The following TSPAN5 variants were observed in gnomAD, a reference collection of about 807,000 sequenced individuals.
TSPAN5 encodes tetraspanin 5.
TSPAN5 carries 10 observed loss-of-function variants against 37.1 expected under a neutral mutation model. The ratio of observed to expected loss-of-function variants is 0.27; its 90% CI spans 0.17 to 0.46. The LOEUF (loss-of-function observed/expected upper bound fraction) is 0.46. Among genes scored for constraint, TSPAN5 ranks in the 20% least tolerant of loss-of-function variants. TSPAN5 has a pLI of 1.00. For missense variants in TSPAN5, 195 were observed against 326.6 expected (o/e 0.60, Z 3.11); for synonymous variants, 110 against 118.9 (o/e 0.93, Z 0.48).
rs113202170 is a variant in TSPAN5, at chr4:98,479,358, G to T, written c.451-548C>A. On this transcript the variant is annotated intron_variant, in intron 4 of 7. Transcript: ENST00000305798. ...AAAGATGAAATGCTCCTGATTACTG[G>T]AAATACAAAATTGCATGCAGGATTG... is the stretch of plus-strand genomic sequence containing the variant. Among the ~76,000 whole-genome samples, 460 of 152,266 alleles carry T rather than the reference G, an allele frequency of 3.0e-3. 2 individuals are homozygous for T. Among genetic ancestry groups the T allele is most frequent in the African/African-American group, 0.011 (439 of 41,558 alleles).
intron 1 of TSPAN5, among the ~76,000 whole-genome samples, chr4:98,543,688 G>A (rs568088640): frequency 6.6e-6 from 1 of 152,018 alleles, no homozygotes; most frequent in East Asian, 1.9e-4. Flanking sequence ...CCAAAGTGCT[G>A]GGATTACAGG....
chr4:98,485,584 A>T (rs1391418924), intron 3 of TSPAN5: 1 of 152,000 alleles, frequency 6.6e-6, no homozygotes, highest in Non-Finnish European at 1.5e-5. Flanking sequence ...TTCAGGTTAA[A>T]TAGCCTCCAA....
intron 1 of TSPAN5, among the ~76,000 whole-genome samples, chr4:98,601,406 A>G (rs1251352725): frequency 6.6e-6 from 1 of 152,244 alleles, no homozygotes; most frequent in Non-Finnish European, 1.5e-5. Context: ...TATCTTAGCT[A>G]GATCTTCTGG....
chr4:98,496,242 T>C (rs1473596211), intron 2 of TSPAN5: 1 of 152,178 alleles, frequency 6.6e-6, no homozygotes, highest in African/African-American at 2.4e-5. Flanking sequence ...CCTGCCCCTA[T>C]AAAAACTTGT....
At chr4:98,618,590 A>C (rs1048721617) in intron 1 of TSPAN5, among the ~76,000 whole-genome samples, 4 of 152,104 alleles carry the variant, frequency 2.6e-5, no homozygotes, top group African/African-American at 9.7e-5. Flanking sequence ...TTTTTTAAGC[A>C]AAGGAGGCAT....
intron 7 of TSPAN5, 46 bp downstream of exon 7, chr4:98,476,143 C>T: frequency 1.4e-6 from 2 of 1,465,414 alleles, no homozygotes; most frequent in Non-Finnish European, 1.9e-6. Flanking sequence ...AGGGCTCTCC[C>T]AGGGCATTAT....
chr4:98,588,705 A>AG (rs890855058), intron 1 of TSPAN5, among the ~76,000 whole-genome samples: 2 of 152,210 alleles, frequency 1.3e-5, no homozygotes, highest in Non-Finnish European at 2.9e-5. Flanking sequence ...GCTGGCCCTG[A>AG]GGCATATTTA....
At chr4:98,484,505 C>T in intron 3 of TSPAN5, 1 of 455,984 alleles carries the variant, frequency 2.2e-6, no homozygotes, top group South Asian at 1.6e-5. Flanking sequence ...CAACACAATT[C>T]TCTTCATTTC....
At chr4:98,533,956 A>ATTC in intron 1 of TSPAN5, among the ~76,000 whole-genome samples, 1 of 145,922 alleles carries the variant, frequency 6.9e-6, no homozygotes. Context: ...AAAAAAAAAA[A>ATTC]AAAAAACCAG....
chr4:98,593,041 T>G (rs1412019277), intron 1 of TSPAN5, among the ~76,000 whole-genome samples: 10 of 74,966 alleles, frequency 1.3e-4, no homozygotes, highest in African/African-American at 3.5e-4. Context: ...TGAACTAGTT[T>G]ACAGTCCCAC....
chr4:98,567,124 C>T (rs899685874), intron 1 of TSPAN5, among the ~76,000 whole-genome samples: 9 of 152,210 alleles, frequency 5.9e-5, no homozygotes, highest in African/African-American at 1.9e-4. Flanking sequence ...ATCCTGCCTA[C>T]TCCCAGCACA....
chr4:98,612,230 G>GA (rs763589299), intron 1 of TSPAN5, among the ~76,000 whole-genome samples: 21 of 152,136 alleles, frequency 1.4e-4, no homozygotes, highest in Non-Finnish European at 2.9e-4. Flanking sequence ...ATGGGGAGGT[G>GA]AAGGGAGAAG....
intron 1 of TSPAN5, 95 bp downstream of exon 1, chr4:98,658,051 G>A (rs1215567851): frequency 2.7e-6 from 3 of 1,111,278 alleles, no homozygotes; most frequent in African/African-American, 1.5e-5. Context: ...AGCGCCTGCG[G>A]GGCTGCGAAA....
chr4:98,657,024 C>A (rs1042800617), intron 1 of TSPAN5, among the ~76,000 whole-genome samples: 1 of 152,164 alleles, frequency 6.6e-6, no homozygotes, highest in Admixed American at 6.5e-5. Flanking sequence ...TAGAGAACCC[C>A]CTACCCAGAC....
At chr4:98,598,099 C>A (rs1349505295) in intron 1 of TSPAN5, among the ~76,000 whole-genome samples, 1 of 101,034 alleles carries the variant, frequency 9.9e-6, no homozygotes, top group African/African-American at 5.6e-5. Context: ...ATTTCGTGGG[C>A]GTAGGACCCT....
intron 1 of TSPAN5, among the ~76,000 whole-genome samples, chr4:98,646,137 C>T (rs1479631919): frequency 6.6e-6 from 1 of 151,996 alleles, no homozygotes; most frequent in Non-Finnish European, 1.5e-5. Flanking sequence ...TCATCGCATC[C>T]CATTATGCCC....
chr4:98,509,290 G>A (rs112400007), intron 1 of TSPAN5, among the ~76,000 whole-genome samples: 2 of 152,268 alleles, frequency 1.3e-5, no homozygotes, highest in African/African-American at 2.4e-5. Context: ...AGGGAAATCC[G>A]AGACCTGCCC....
At chr4:98,610,890 T>A (rs1756172493) in intron 1 of TSPAN5, among the ~76,000 whole-genome samples, 2 of 152,144 alleles carry the variant, frequency 1.3e-5, no homozygotes, top group South Asian at 4.2e-4. Flanking sequence ...AGGCATGTGA[T>A]TCCCCCTGAC....
At chr4:98,608,823 C>T (rs909676385) in intron 1 of TSPAN5, among the ~76,000 whole-genome samples, 1 of 152,172 alleles carries the variant, frequency 6.6e-6, no homozygotes, top group Admixed American at 6.5e-5. Flanking sequence ...ACTTTTCCCA[C>T]TAAGTCCACA....
Sources: gnomAD v4.1 joint callset for allele counts (sites outside exome capture counted in the v4.1 genomes callset) on GRCh38, gnomAD v4.1.1 for gene constraint, MANE v1.5 for transcripts, NCBI Gene and HGNC (gene_info 2026-07-23, HGNC 2026-07-21) for gene names.